Variants in VAV3 observed in about 807,000 individuals in gnomAD.
VAV3 encodes vav guanine nucleotide exchange factor 3, also known as guanine nucleotide exchange factor VAV3.
Under a neutral mutation model 131.2 loss-of-function variants are expected in VAV3, and 94 were observed. The observed-to-expected ratio is 0.72, with a 90% CI of 0.61 to 0.85. The LOEUF (loss-of-function observed/expected upper bound fraction) is 0.85, where lower values mean the gene tolerates loss of function less well. Among genes scored for constraint, VAV3 ranks in the 40% least tolerant of loss-of-function variants. VAV3 has a pLI of 0.00. For missense variants in VAV3, 939 were observed against 1,002.7 expected (o/e 0.94, Z 0.86); for synonymous variants, 349 against 342.0 (o/e 1.02, Z -0.22).
Position 107,917,799 on chromosome 1 carries a change from T to C in VAV3, c.205-42782A>G, listed in dbSNP as rs187566400. On this transcript the variant is annotated intron_variant, in intron 1 of 26. Coordinates refer to ENST00000370056, the MANE Select transcript of VAV3 (RefSeq NM_006113.5). ...TTTGGAATACTTTCAAATTACATAC[T>C]GCATGGGCTTCCCTAATCCAAAAAT... 7.9e-5 allele frequency among the ~76,000 whole-genome samples: 12 copies of C among 152,290 alleles called. No homozygotes were observed. In the East Asian group the frequency reaches 2.3e-3, roughly 29 times the overall value.
chr1:107,788,596 T>A (rs1466446070), intron 2 of VAV3, among the ~76,000 whole-genome samples: 2 of 152,226 alleles, frequency 1.3e-5, no homozygotes, highest in Non-Finnish European at 2.9e-5. Flanking sequence ...GAAACTTTCC[T>A]CATACACTGT....
chr1:107,875,049 G>A (rs1670430649), intron 1 of VAV3, 32 bp from the exon 2 acceptor site: 1 of 1,571,766 alleles, frequency 6.4e-7, no homozygotes, highest in Non-Finnish European at 8.8e-7. Flanking sequence ...TTAGCATAAA[G>A]TTAATTATTC....
intron 1 of VAV3, among the ~76,000 whole-genome samples, chr1:107,909,254 T>C (rs911049273): frequency 7.9e-5 from 12 of 152,184 alleles, no homozygotes; most frequent in Non-Finnish European, 1.6e-4. Flanking sequence ...ATTTCACACA[T>C]AGAAAACTAT....
chr1:107,960,784 C>T (rs531603977), intron 1 of VAV3, among the ~76,000 whole-genome samples: 2 of 152,244 alleles, frequency 1.3e-5, no homozygotes, highest in South Asian at 2.1e-4. Context: ...TTCCTTCACT[C>T]GCTTCAGGTC....
chr1:107,715,498 T>G (rs1661040690), intron 15 of VAV3, among the ~76,000 whole-genome samples: 1 of 152,204 alleles, frequency 6.6e-6, no homozygotes, highest in South Asian at 2.1e-4. Flanking sequence ...AAAACTTCTC[T>G]TGGCTTATAA....
intron 15 of VAV3, among the ~76,000 whole-genome samples, chr1:107,743,514 A>G (rs945859714): frequency 2.0e-5 from 3 of 152,186 alleles, no homozygotes; most frequent in Non-Finnish European, 4.4e-5. Context: ...TCCATTATAT[A>G]TTAACAGAAT....
chr1:107,889,519 C>T (rs545459703), intron 1 of VAV3, among the ~76,000 whole-genome samples: 2 of 151,638 alleles, frequency 1.3e-5, no homozygotes, highest in South Asian at 4.2e-4. Context: ...TGAACCAGGA[C>T]AATGGTCTTC....
chr1:107,945,395 AGTT>A (rs1350913689), intron 1 of VAV3, among the ~76,000 whole-genome samples: 5 of 152,210 alleles, frequency 3.3e-5, no homozygotes, highest in African/African-American at 1.2e-4. Flanking sequence ...TACTAATAAC[AGTT>A]ATTATATAGT....
chr1:107,935,328 C>A (rs913140471), intron 1 of VAV3, among the ~76,000 whole-genome samples: 4 of 152,156 alleles, frequency 2.6e-5, no homozygotes, highest in African/African-American at 9.7e-5. Flanking sequence ...AGAGTTTACA[C>A]TGCCAGTCAG....
intron 24 of VAV3, among the ~76,000 whole-genome samples, chr1:107,597,804 AACAAAGAATATATAAAGT>A (rs1651510430): frequency 6.6e-6 from 1 of 152,334 alleles, no homozygotes; most frequent in African/African-American, 2.4e-5. Context: ...CACAGATGAT[AACAAAGAATATATAAAGT>A]ACCTAATACA....
chr1:107,599,790 G>T (rs183958374), intron 24 of VAV3, among the ~76,000 whole-genome samples: 1 of 123,242 alleles, frequency 8.1e-6, no homozygotes. Context: ...TTAATTCCAG[G>T]CCCTATTGTG....
intron 1 of VAV3, among the ~76,000 whole-genome samples, chr1:107,916,596 G>A (rs777487878): frequency 1.3e-5 from 2 of 152,094 alleles, no homozygotes; most frequent in African/African-American, 2.4e-5. Context: ...AAATTTTACA[G>A]GAGTTCAATA....
At chr1:107,744,567 C>A (rs1056422822) in intron 15 of VAV3, among the ~76,000 whole-genome samples, 4 of 152,130 alleles carry the variant, frequency 2.6e-5, no homozygotes, top group East Asian at 1.9e-4. Context: ...TTTACCTTTT[C>A]TTTTGCTAAC....
At chr1:107,939,296 T>C (rs533974590) in intron 1 of VAV3, among the ~76,000 whole-genome samples, 3 of 152,328 alleles carry the variant, frequency 2.0e-5, no homozygotes, top group African/African-American at 7.2e-5. Flanking sequence ...TAGACTCAAA[T>C]TTTCTTGCCT....
chr1:107,574,164 A>G lies in VAV3; in HGVS notation c.2385T>C (p.Ala795=), dbSNP rs1437471659. The part of the protein sequence containing the change: ...LSPKVLGIAI[A]RYDFCARDMR... ...TATCTCTTGCACAGAAGTCATACCG[A>G]GCGATGGCAATGCCCAGCACTTTTG... The change falls in exon 26 of 27, where the codon GCT becomes GCC. Residue 795 remains alanine, a synonymous_variant. Transcript: ENST00000370056. 1.2e-6 allele frequency: 2 copies of G among 1,613,884 alleles called. No individual in the cohort carries two copies. Among genetic ancestry groups the G allele is most frequent in the Non-Finnish European group, 1.7e-6 (2 of 1,179,972 alleles).
At chr1:107,810,737 C>A (rs921919781) in intron 2 of VAV3, among the ~76,000 whole-genome samples, 1 of 151,914 alleles carries the variant, frequency 6.6e-6, no homozygotes, top group African/African-American at 2.4e-5. Context: ...TACAGCAAGG[C>A]TCCAAACACA....
intron 15 of VAV3, among the ~76,000 whole-genome samples, chr1:107,708,801 C>T (rs1209208591): frequency 6.6e-6 from 1 of 152,140 alleles, no homozygotes; most frequent in African/African-American, 2.4e-5. Flanking sequence ...ACACCCTCTA[C>T]ATGTACATTT....
chr1:107,847,564 A>G (rs781022325), intron 2 of VAV3, among the ~76,000 whole-genome samples: 3 of 152,178 alleles, frequency 2.0e-5, no homozygotes, highest in Non-Finnish European at 4.4e-5. Flanking sequence ...TCAAATAGAC[A>G]TAATAAAAAA....
chr1:107,699,154 G>C (rs905837181), intron 17 of VAV3, among the ~76,000 whole-genome samples: 3 of 152,170 alleles, frequency 2.0e-5, no homozygotes, highest in African/African-American at 7.2e-5. Context: ...TTTCATCTGA[G>C]ACAAGGCAAG....
Sources: allele counts gnomAD v4.1 joint callset (sites outside exome capture counted in the v4.1 genomes callset), GRCh38; gene constraint gnomAD v4.1.1; transcripts MANE v1.5; gene names NCBI Gene and HGNC (gene_info 2026-07-23, HGNC 2026-07-21).